The following SOX7 variants were observed in gnomAD, a reference collection of about 807,000 sequenced individuals.
The protein encoded by SOX7 is SRY-box transcription factor 7, also known as transcription factor SOX-7.
SOX7 carries 19 observed loss-of-function variants against 24.9 expected under a neutral mutation model. The ratio of observed to expected loss-of-function variants is 0.76; its 90% CI spans 0.53 to 1.12. The LOEUF (loss-of-function observed/expected upper bound fraction) is 1.12. Ranked by LOEUF, SOX7 falls within the 50% of genes most tolerant of loss-of-function variation. SOX7 has a pLI of 0.00. For synonymous variants in SOX7, 327 were observed against 244.5 expected (o/e 1.34, Z -3.15); for missense variants, 702 against 535.0 (o/e 1.31, Z -3.08).
At chr8:10,727,684 T>G (rs76622454) in intron 1 of SOX7, among the ~76,000 whole-genome samples, 2 of 152,196 alleles carry the variant, frequency 1.3e-5, no homozygotes, top group Non-Finnish European at 2.9e-5. Flanking sequence ...CTGCAGTGGT[T>G]TCTAGGGGTG....
At position 10,726,684 on chromosome 8, in the gene SOX7, A is replaced by G; in HGVS notation, c.239-18T>C. On this transcript the variant is annotated intron_variant, in intron 1 of 1. Transcript: ENST00000304501. The stretch of plus-strand genomic sequence containing the variant: ...CGACTTTCCTGCTCACACAAGGCAG[A>G]GGAGGCCATGCTCAGTGCTGTGCCC... The G allele has an allele frequency of 6.5e-7, 1 of 1,549,480 alleles. No homozygotes were observed. The highest frequency in any genetic ancestry group is 8.7e-7 in the Non-Finnish European group (1 of 1,153,514).
Position 10,730,157 on chromosome 8 carries a change from C to G in SOX7, c.238+39G>C. 7.2e-7 allele frequency: 1 copy of G among 1,384,596 alleles called. No individual in the cohort carries two copies. The highest frequency in any genetic ancestry group is 9.4e-7 in the Non-Finnish European group (1 of 1,062,108). 85.8% of individuals were successfully genotyped at this position (1,384,596 alleles called of 1,614,324 possible). On this transcript the variant is annotated intron_variant, in intron 1 of 1. Coordinates refer to ENST00000304501, the MANE Select transcript of SOX7 (RefSeq NM_031439.4). The surrounding 1 kb of genome is among the most constrained non-coding windows in gnomAD (Gnocchi z 4.8). ...AGTGCCGCCAGCCGCCCGCCGCCCG[C>G]CCCCGGCCCCCAGCCCGCTCGGCCG...
Position 10,725,842 on chromosome 8 carries a change from C to T in SOX7, c.1063G>A (p.Val355Ile), listed in dbSNP as rs199790833. 378 of 1,614,110 alleles carry T rather than the reference C, an allele frequency of 2.3e-4. No individual in the cohort carries two copies. The highest frequency in any genetic ancestry group is 3.0e-4 in the Non-Finnish European group (356 of 1,180,046). ...GTTGGTGTCACCTGGGAGACCGGAA[C>T]ATGCCCACTGAGGGCCATGGCCCCT... Reference protein sequence around the residue: ...ATGAMALSGHVPVSQVTPTGP... With the variant: ...ATGAMALSGHIPVSQVTPTGP... The change falls in exon 2 of 2, where the codon GTT (valine) becomes ATT (isoleucine). Residue 355 changes from valine (V) to isoleucine (I), a missense_variant. Val to Ile is a conservative substitution (Grantham distance 29). Transcript: ENST00000304501.
Position 10,730,261 on chromosome 8 carries a change from T to G in SOX7, c.173A>C (p.Asp58Ala), listed in dbSNP as rs1255040447. Residue 58 changes from aspartate (D) to alanine (A), a missense_variant, in exon 1 of 2, where the codon GAC becomes GCC. Transcript: ENST00000304501. This position sits in a 1 kb window ranked among gnomAD's most constrained non-coding sequence, Gnocchi z 4.8. ...CTGCACTGCCAGCCGTTTCCTCTCG[T>G]CCTTGGCCCAAACCATGAAGGCGTT... is the stretch of plus-strand genomic sequence containing the variant. The part of the protein sequence containing the change: ...PMNAFMVWAK[D>A]ERKRLAVQNP... The G allele has an allele frequency of 6.3e-7, 1 of 1,580,122 alleles. No individual in the cohort carries two copies. Among genetic ancestry groups the G allele is most frequent in the Non-Finnish European group, 8.6e-7 (1 of 1,164,872 alleles).
intron 1 of SOX7, among the ~76,000 whole-genome samples, chr8:10,727,001 G>C (rs557269744): frequency 1.1e-4 from 16 of 152,330 alleles, no homozygotes; most frequent in African/African-American, 3.8e-4. Context: ...GCTACGGGAA[G>C]AAAATATCTA....
chr8:10,727,156 G>A (rs545406551), intron 1 of SOX7, among the ~76,000 whole-genome samples: 1 of 152,312 alleles, frequency 6.6e-6, no homozygotes, highest in Non-Finnish European at 1.5e-5. Flanking sequence ...AAATCTCACA[G>A]CCCTTTCTGG....
chr8:10,725,913 T>A lies in SOX7; in HGVS notation c.992A>T (p.Glu331Val). 1 of 1,614,092 alleles carries A rather than the reference T, an allele frequency of 6.2e-7. No individual in the cohort carries two copies. Reference sequence around the variant, plus strand: ...AGGAGTGTTCAAATACTGGTCGAATTCATTGCGATCCATGTCCCCCAGGAG... The same window carrying A: ...AGGAGTGTTCAAATACTGGTCGAATACATTGCGATCCATGTCCCCCAGGAG... ...VELLGDMDRN[E>V]FDQYLNTPGH... Residue 331 changes from glutamate to valine, a missense_variant, in exon 2 of 2, where the codon GAA (glutamate) becomes GTA (valine). By Grantham distance (121) the Glu-to-Val change is moderately radical. Transcript: ENST00000304501.
rs917275971 is a variant in SOX7, at chr8:10,726,308, G to A, written c.597C>T (p.Tyr199=). 17 of 1,613,556 alleles carry A rather than the reference G, an allele frequency of 1.1e-5. No homozygotes were observed. Among genetic ancestry groups the A allele is most frequent in the East Asian group, 2.2e-5 (1 of 44,872 alleles). The part of the protein sequence containing the change: ...GTPSSVDTYP[Y]GLPTPPEMSP... ...ACATTTCAGGAGGTGTGGGCAGCCC[G>A]TACGGGTACGTGTCCACACTGCTCG... The change falls in exon 2 of 2, where the codon TAC becomes TAT. Residue 199 remains tyrosine, a synonymous_variant. Transcript: ENST00000304501.
rs1250747332 is a variant in SOX7, at chr8:10,725,683, T to G, written c.*55A>C. On this transcript the variant is annotated 3_prime_UTR_variant, in exon 2 of 2. Coordinates refer to ENST00000304501, the MANE Select transcript of SOX7 (RefSeq NM_031439.4). ...TGTGGCTGGACGGCTCCTCTGCCAC[T>G]CAAGGCACAAGAAGGAGAGGGCGCG... 5.0e-6 allele frequency: 8 copies of G among 1,591,282 alleles called. No homozygotes were observed. Among genetic ancestry groups the G allele is most frequent in the East Asian group, 2.2e-5 (1 of 44,702 alleles).
rs933396215 is a variant in SOX7 at position 10,725,632 on chromosome 8, G to A, written c.*106C>T. The A allele has an allele frequency of 4.8e-6, 6 of 1,241,026 alleles. No individual in the cohort carries two copies. In the African/African-American group the frequency reaches 5.9e-5, roughly 12 times the overall value. The allele number at this position is 1,241,026 out of a possible 1,614,324, so 76.9% of individuals were successfully genotyped here. A position where few individuals can be genotyped will look rare whatever the true frequency, so the allele number is the denominator to read the frequency against. On this transcript the variant is annotated 3_prime_UTR_variant, in exon 2 of 2. Transcript: ENST00000304501. ...CTGGGGCCGCAGTTCAGACCTCCCTGCCCTGAGCGGTGGGAGGAAAGCTGG... is the reference window on the plus strand; with the variant it reads ...CTGGGGCCGCAGTTCAGACCTCCCTACCCTGAGCGGTGGGAGGAAAGCTGG...
In SOX7 at chr8:10,724,694, T is replaced by C. The variant is rs1800106824; in HGVS notation, c.*1044A>G. 1 of 151,938 alleles carries C rather than the reference T, an allele frequency of 6.6e-6. No homozygotes were observed. The highest frequency in any genetic ancestry group is 1.5e-5 in the Non-Finnish European group (1 of 68,014). 9.4% of individuals were successfully genotyped at this position (151,938 alleles called of 1,614,324 possible). A position where few individuals can be genotyped will look rare whatever the true frequency, so the allele number is the denominator to read the frequency against. On this transcript the variant is annotated 3_prime_UTR_variant, in exon 2 of 2. Transcript: ENST00000304501. ...AGTGGGCATGTGTCTCTCACACTCC[T>C]GGTATACATTCAGACTGTGCATATT...
At chr8:10,729,302 AGGG>A in intron 1 of SOX7, 1 of 152,244 alleles carries the variant, frequency 6.6e-6, no homozygotes. Flanking sequence ...CCCTTCTTAC[AGGG>A]CCTGTCTCCC....
chr8:10,726,523 G>A lies in SOX7; in HGVS notation c.382C>T (p.Arg128Cys), dbSNP rs747827752. The change falls in exon 2 of 2, where the codon CGC (arginine) becomes TGC (cysteine). Residue 128 changes from arginine to cysteine, a missense_variant. By Grantham distance (180) the Arg-to-Cys change is radical (BLOSUM62 -3). Transcript: ENST00000304501. ...RKKQAKRLCKRVDPGFLLSSL... is the reference protein window; with the variant it reads ...RKKQAKRLCKCVDPGFLLSSL... ...CTCAGAAGGAAGCCCGGGTCCACGC[G>A]CTTGCACAGCCGCTTGGCCTGCTTC... 4.3e-6 allele frequency: 7 copies of A among 1,612,398 alleles called. No homozygotes were observed. In the South Asian group the frequency reaches 5.5e-5, roughly 13 times the overall value.
intron 1 of SOX7, among the ~76,000 whole-genome samples, chr8:10,728,137 G>C (rs1800190690): frequency 6.6e-6 from 1 of 152,244 alleles, no homozygotes; most frequent in Admixed American, 6.5e-5. Context: ...AGTGACCCAA[G>C]ATGCAGGTGC....
At position 10,725,633 on chromosome 8, in the gene SOX7, C is replaced by A. The variant is rs894502631; in HGVS notation, c.*105G>T. 2.4e-6 allele frequency: 3 copies of A among 1,264,122 alleles called. No individual in the cohort carries two copies. Among genetic ancestry groups the A allele is most frequent in the Non-Finnish European group, 2.2e-6 (2 of 896,598 alleles). The allele number at this position is 1,264,122 out of a possible 1,614,324, so 78.3% of individuals were successfully genotyped here. ...TGGGGCCGCAGTTCAGACCTCCCTGCCCTGAGCGGTGGGAGGAAAGCTGGT... is the reference window on the plus strand; with the variant it reads ...TGGGGCCGCAGTTCAGACCTCCCTGACCTGAGCGGTGGGAGGAAAGCTGGT... On this transcript the variant is annotated 3_prime_UTR_variant, in exon 2 of 2. Transcript: ENST00000304501.
At position 10,725,113 on chromosome 8, in the gene SOX7, G is replaced by C. The variant is rs2129062755; in HGVS notation, c.*625C>G. On this transcript the variant is annotated 3_prime_UTR_variant, in exon 2 of 2. Coordinates refer to ENST00000304501, the MANE Select transcript of SOX7 (RefSeq NM_031439.4). Reference sequence around the variant, plus strand: ...TAAAATGTATATTTAAAATAAAATAGTTTTAACTCAATCCCATTTTCTGTG... The same window carrying C: ...TAAAATGTATATTTAAAATAAAATACTTTTAACTCAATCCCATTTTCTGTG... 6.5e-6 allele frequency: 1 copy of C among 153,472 alleles called. No homozygotes were observed. Among genetic ancestry groups the C allele is most frequent in the Middle Eastern group, 3.4e-3 (1 of 296 alleles). 9.5% of individuals were successfully genotyped at this position (153,472 alleles called of 1,614,324 possible). A position where few individuals can be genotyped will look rare whatever the true frequency, so the allele number is the denominator to read the frequency against.
Position 10,723,886 on chromosome 8 carries a change from T to C in SOX7, c.*1852A>G, listed in dbSNP as rs953369429. ...AAACAGTTTAGCTTAATGTCTGTGA[T>C]ACTGTTTTATGAGATTATTCATACA... On this transcript the variant is annotated 3_prime_UTR_variant, in exon 2 of 2. Transcript: ENST00000304501. The C allele has an allele frequency of 5.2e-5, 8 of 152,670 alleles. No individual in the cohort carries two copies. Among genetic ancestry groups the C allele is most frequent in the Admixed American group, 3.3e-4 (5 of 15,292 alleles). The allele number at this position is 152,670 out of a possible 1,614,324, so 9.5% of individuals were successfully genotyped here.
Position 10,730,230 on chromosome 8 carries a change from C to T in SOX7, c.204G>A (p.Pro68=), listed in dbSNP as rs760271237. 9.0e-6 allele frequency: 14 copies of T among 1,562,236 alleles called. No individual in the cohort carries two copies. Among genetic ancestry groups the T allele is most frequent in the South Asian group, 2.3e-5 (2 of 85,546 alleles). ...TGCTGAGCTCGGCGTTGTGCAGGTC[C>T]GGGTTCTGCACTGCCAGCCGTTTCC... ...DERKRLAVQN[P]DLHNAELSKM... Residue 68 remains proline, a synonymous_variant, in exon 1 of 2, where the codon CCG becomes CCA. Transcript: ENST00000304501. The surrounding 1 kb of genome is among the most constrained non-coding windows in gnomAD (Gnocchi z 4.8).
At position 10,726,663 on chromosome 8, in the gene SOX7, T is replaced by C. The variant is rs751277659; in HGVS notation, c.242A>G (p.Lys81Arg). The stretch of plus-strand genomic sequence containing the variant: ...GGACAGCGTCAGCGCCTTCCACGAC[T>C]TTCCTGCTCACACAAGGCAGAGGAG... Reference protein sequence around the residue: ...HNAELSKMLGKSWKALTLSQK... With the variant: ...HNAELSKMLGRSWKALTLSQK... Residue 81 changes from lysine to arginine, a missense_variant, in exon 2 of 2, where the codon AAG (lysine) becomes AGG (arginine). By Grantham distance (26) the Lys-to-Arg change is conservative. Coordinates refer to ENST00000304501, the MANE Select transcript of SOX7 (RefSeq NM_031439.4). 2.6e-6 allele frequency: 4 copies of C among 1,564,836 alleles called. No individual in the cohort carries two copies. The highest frequency in any genetic ancestry group is 2.6e-6 in the Non-Finnish European group (3 of 1,160,680).
Sources: gnomAD v4.1 joint callset for allele counts (sites outside exome capture counted in the v4.1 genomes callset) on GRCh38, gnomAD v4.1.1 for gene constraint, Gnocchi (gnomAD v3.1) non-coding constraint, MANE v1.5 for transcripts, NCBI Gene and HGNC (gene_info 2026-07-23, HGNC 2026-07-21) for gene names.